NLGN1: variants seen among roughly 807,000 people sequenced by gnomAD.
The protein encoded by NLGN1 is neuroligin 1, also known as neuroligin-1.
Under a neutral mutation model 65.5 loss-of-function variants are expected in NLGN1, and 12 were observed. The observed-to-expected ratio is 0.18, with a 90% CI of 0.12 to 0.30. The LOEUF (loss-of-function observed/expected upper bound fraction) is 0.30. Among genes scored for constraint, NLGN1 ranks in the 10% least tolerant of loss-of-function variants. The pLI, the probability that NLGN1 is intolerant of heterozygous loss-of-function variation, is 1.00. For synonymous variants in NLGN1, 350 were observed against 359.5 expected (o/e 0.97, Z 0.30); for missense variants, 750 against 1,007.1 (o/e 0.74, Z 3.46).
At chr3:174,268,691 T>C (rs745453584) in intron 4 of NLGN1, among the ~76,000 whole-genome samples, 1 of 152,098 alleles carries the variant, frequency 6.6e-6, no homozygotes, top group Non-Finnish European at 1.5e-5. Context: ...GTTTGGAATT[T>C]GGAAACTGCA....
At chr3:174,087,194 A>C (rs1478886053) in intron 4 of NLGN1, among the ~76,000 whole-genome samples, 1 of 152,168 alleles carries the variant, frequency 6.6e-6, no homozygotes, top group African/African-American at 2.4e-5. Flanking sequence ...CTGGGTGACA[A>C]AATAATCTAT....
intron 2 of NLGN1, among the ~76,000 whole-genome samples, chr3:173,496,955 ATTAC>A (rs1166470383): frequency 6.6e-6 from 1 of 151,882 alleles, no homozygotes; most frequent in Non-Finnish European, 1.5e-5. Flanking sequence ...CAGAGTACCA[ATTAC>A]TTTTAAAATG....
intron 4 of NLGN1, among the ~76,000 whole-genome samples, chr3:174,100,075 A>G (rs1019191212): frequency 6.6e-6 from 1 of 152,142 alleles, no homozygotes; most frequent in Non-Finnish European, 1.5e-5. Flanking sequence ...TGAATTAAAT[A>G]TGGGGTTTTT....
chr3:174,256,160 A>G (rs775392073), intron 4 of NLGN1, among the ~76,000 whole-genome samples: 2 of 152,128 alleles, frequency 1.3e-5, no homozygotes, highest in African/African-American at 2.4e-5. Flanking sequence ...TTTATTTATT[A>G]TTTCATGAAA....
intron 4 of NLGN1, among the ~76,000 whole-genome samples, chr3:173,989,338 A>G (rs1467365094): frequency 6.6e-6 from 1 of 152,194 alleles, no homozygotes; most frequent in Non-Finnish European, 1.5e-5. Context: ...TGTCCACTAT[A>G]AAGATAACTT....
intron 4 of NLGN1, among the ~76,000 whole-genome samples, chr3:174,206,210 ATCT>A (rs1735366517): frequency 6.6e-6 from 1 of 152,174 alleles, no homozygotes; most frequent in Admixed American, 6.5e-5. Context: ...ATCACAGATA[ATCT>A]TCTAAGCAGG....
chr3:174,255,662 T>TATTC (rs1745607092), intron 4 of NLGN1, among the ~76,000 whole-genome samples: 1 of 150,972 alleles, frequency 6.6e-6, no homozygotes, highest in South Asian at 2.1e-4. Flanking sequence ...TTTATTTATT[T>TATTC]ATTTATTTAT....
chr3:173,762,291 C>T (rs1248900343), intron 3 of NLGN1, among the ~76,000 whole-genome samples: 1 of 151,976 alleles, frequency 6.6e-6, no homozygotes, highest in East Asian at 1.9e-4. Context: ...TAATGAAGTA[C>T]TTTTTTGTTG....
At chr3:173,689,146 T>C (rs1765099864) in intron 3 of NLGN1, among the ~76,000 whole-genome samples, 1 of 152,180 alleles carries the variant, frequency 6.6e-6, no homozygotes, top group South Asian at 2.1e-4. Flanking sequence ...AAAGTATTCC[T>C]CTAGATTATG....
chr3:173,492,662 G>A lies in NLGN1; in HGVS notation c.-321+57584G>A, dbSNP rs1162883012. On this transcript the variant is annotated intron_variant, in intron 2 of 6. Coordinates refer to ENST00000457714, the Ensembl canonical transcript of NLGN1. ...AATTACATAGCAAGAAATATAATTG[G>A]CAAGGGAGATATTTTTAAAGATATT... Among the ~76,000 whole-genome samples, 6 of 151,704 alleles carry A rather than the reference G, an allele frequency of 4.0e-5. 1 individual carries two copies. Among genetic ancestry groups the A allele is most frequent in the African/African-American group, 1.5e-4 (6 of 41,096 alleles).
At chr3:173,892,260 A>G (rs1050867832) in intron 4 of NLGN1, among the ~76,000 whole-genome samples, 1 of 148,330 alleles carries the variant, frequency 6.7e-6, no homozygotes, top group African/African-American at 2.5e-5. Context: ...AAAACTTATT[A>G]CTTTATAAGT....
At chr3:173,661,652 T>A (rs1196157847) in intron 3 of NLGN1, among the ~76,000 whole-genome samples, 1 of 152,014 alleles carries the variant, frequency 6.6e-6, no homozygotes, top group African/African-American at 2.4e-5. Context: ...TAAGTTTATG[T>A]TGTGATTAGA....
intron 4 of NLGN1, among the ~76,000 whole-genome samples, chr3:173,913,318 G>T (rs542609717): frequency 2.0e-5 from 3 of 152,284 alleles, no homozygotes; most frequent in African/African-American, 4.8e-5. Flanking sequence ...ATGCATTTGT[G>T]TTCAAATTTG....
At chr3:173,794,978 G>A (rs1408589540) in intron 3 of NLGN1, among the ~76,000 whole-genome samples, 2 of 151,634 alleles carry the variant, frequency 1.3e-5, no homozygotes, top group African/African-American at 2.4e-5. Flanking sequence ...CTTTTTTTGT[G>A]TGTGTGTTTC....
At chr3:173,965,114 T>A (rs1044053942) in intron 4 of NLGN1, among the ~76,000 whole-genome samples, 1 of 152,142 alleles carries the variant, frequency 6.6e-6, no homozygotes, top group Non-Finnish European at 1.5e-5. Flanking sequence ...AATTTTGCCA[T>A]GCTTTCACTG....
chr3:173,905,745 A>G (rs1339464517), intron 4 of NLGN1, among the ~76,000 whole-genome samples: 1 of 152,214 alleles, frequency 6.6e-6, no homozygotes, highest in African/African-American at 2.4e-5. Context: ...GTTTGCCTCT[A>G]TAACTGCAAA....
At chr3:173,853,245 T>G (rs1209008997) in intron 4 of NLGN1, among the ~76,000 whole-genome samples, 1 of 152,196 alleles carries the variant, frequency 6.6e-6, no homozygotes, top group East Asian at 1.9e-4. Flanking sequence ...GCAAACTACT[T>G]GTAGCATATG....
At chr3:173,773,393 T>C (rs914770093) in intron 3 of NLGN1, among the ~76,000 whole-genome samples, 5 of 152,252 alleles carry the variant, frequency 3.3e-5, no homozygotes, top group Admixed American at 6.5e-5. Context: ...AGGCAGCTTA[T>C]TGGTCATCTT....
At chr3:173,876,390 AAAT>A (rs1372494289) in intron 4 of NLGN1, among the ~76,000 whole-genome samples, 1 of 152,186 alleles carries the variant, frequency 6.6e-6, no homozygotes, top group Non-Finnish European at 1.5e-5. Context: ...TAATTAATTA[AAAT>A]AATGTTCAGG....
Sources: allele counts gnomAD v4.1 joint callset (sites outside exome capture counted in the v4.1 genomes callset), GRCh38; gene constraint gnomAD v4.1.1; transcripts MANE v1.5; gene names NCBI Gene and HGNC (gene_info 2026-07-23, HGNC 2026-07-21).